ST6GALNAC5: variants seen among roughly 807,000 people sequenced by gnomAD.
The protein encoded by ST6GALNAC5 is alpha-N-acetylgalactosaminide alpha-2,6-sialyltransferase 5.
In ST6GALNAC5, 27 loss-of-function variants were observed where a neutral mutation model predicts 33.6. That is an observed-to-expected ratio of 0.80 (90% CI 0.59 to 1.11). ST6GALNAC5 has a LOEUF of 1.11. Ranked by LOEUF, ST6GALNAC5 falls within the 50% of genes least tolerant of loss-of-function variation. The pLI, the probability that ST6GALNAC5 is intolerant of heterozygous loss-of-function variation, is 0.00. For missense variants in ST6GALNAC5, 428 were observed against 454.0 expected (o/e 0.94, Z 0.52); for synonymous variants, 194 against 171.2 (o/e 1.13, Z -1.04).
At chr1:76,998,029 C>T (rs938680121) in intron 2 of ST6GALNAC5, among the ~76,000 whole-genome samples, 4 of 152,168 alleles carry the variant, frequency 2.6e-5, no homozygotes, top group African/African-American at 9.7e-5. Flanking sequence ...CATCCTCCCT[C>T]CTGCTGCCCT....
In ST6GALNAC5 at chr1:76,969,286, C is replaced by T. The variant is rs11162237; in HGVS notation, c.262-74918C>T. ...CTAACCAAGGGAATCCGTACCTTCG[C>T]CAAAGACTGTACCTGGAAAAACAGG... On this transcript the variant is annotated intron_variant, in intron 2 of 4. Transcript: ENST00000477717. Among the ~76,000 whole-genome samples, 1,181 of 152,290 alleles carry T rather than the reference C, an allele frequency of 7.8e-3. 16 individuals carry two copies. Among genetic ancestry groups the T allele is most frequent in the African/African-American group, 0.023 (968 of 41,574 alleles).
At chr1:77,028,914 T>G (rs748763930) in intron 2 of ST6GALNAC5, among the ~76,000 whole-genome samples, 8 of 152,208 alleles carry the variant, frequency 5.3e-5, no homozygotes, top group Non-Finnish European at 1.0e-4. Context: ...AATGTTGGGT[T>G]GGCTGTCAAA....
intron 2 of ST6GALNAC5, among the ~76,000 whole-genome samples, chr1:76,923,155 A>G (rs556301153): frequency 6.6e-6 from 1 of 152,224 alleles, no homozygotes; most frequent in Admixed American, 6.5e-5. Flanking sequence ...TACTTTTGCA[A>G]GATGTTACAA....
chr1:76,929,224 T>A (rs944488259), intron 2 of ST6GALNAC5, among the ~76,000 whole-genome samples: 1 of 151,928 alleles, frequency 6.6e-6, no homozygotes, highest in Non-Finnish European at 1.5e-5. Context: ...TCCCCTCATA[T>A]TAAAAAAAAG....
chr1:76,920,654 AC>A (rs1445630989), intron 2 of ST6GALNAC5, among the ~76,000 whole-genome samples: 2 of 152,156 alleles, frequency 1.3e-5, no homozygotes, highest in African/African-American at 4.8e-5. Flanking sequence ...CATGCTGTGT[AC>A]CTGCATTACC....
chr1:76,884,451 C>T (rs1489065161), intron 2 of ST6GALNAC5, among the ~76,000 whole-genome samples: 2 of 151,422 alleles, frequency 1.3e-5, no homozygotes, highest in Non-Finnish European at 2.9e-5. Context: ...AAACTCTCCA[C>T]CTGCAGGACA....
rs530575031 is a variant in ST6GALNAC5, at chr1:76,961,567, C to T, written c.262-82637C>T. Among the ~76,000 whole-genome samples, 5 of 152,326 alleles carry T rather than the reference C, an allele frequency of 3.3e-5. No individual in the cohort carries two copies. The East Asian group carries it at 9.7e-4, about 29-fold the overall frequency. ...ATCATCTGCTACTCCAACTCCCTTG[C>T]TGCCTGTGCACCAGCCCCTGGCCTC... On this transcript the variant is annotated intron_variant, in intron 2 of 4. Transcript: ENST00000477717.
chr1:77,023,586 A>G (rs1651129219), intron 2 of ST6GALNAC5, among the ~76,000 whole-genome samples: 1 of 152,204 alleles, frequency 6.6e-6, no homozygotes, highest in African/African-American at 2.4e-5. Context: ...TCAAGAAGGA[A>G]CTGTGTCAGA....
At chr1:77,002,102 T>C (rs1239262552) in intron 2 of ST6GALNAC5, among the ~76,000 whole-genome samples, 1 of 152,156 alleles carries the variant, frequency 6.6e-6, no homozygotes, top group Admixed American at 6.5e-5. Flanking sequence ...AGAATTCGGC[T>C]GTGAATCCAT....
intron 2 of ST6GALNAC5, among the ~76,000 whole-genome samples, chr1:76,980,907 G>A (rs1036295313): frequency 2.0e-5 from 3 of 151,986 alleles, no homozygotes; most frequent in African/African-American, 7.3e-5. Context: ...TCCTTCAAAG[G>A]ATACCATCAA....
chr1:77,038,282 A>G (rs1396080524), intron 2 of ST6GALNAC5, among the ~76,000 whole-genome samples: 1 of 152,166 alleles, frequency 6.6e-6, no homozygotes. Flanking sequence ...TGGAAGAGTA[A>G]CACTTTTCTA....
chr1:77,018,108 C>G (rs1422436258), intron 2 of ST6GALNAC5, among the ~76,000 whole-genome samples: 1 of 152,092 alleles, frequency 6.6e-6, no homozygotes, highest in Admixed American at 6.5e-5. Flanking sequence ...TTCCATTAGG[C>G]AACTTCAGGC....
chr1:76,877,854 C>T (rs1653681527), intron 2 of ST6GALNAC5, among the ~76,000 whole-genome samples: 1 of 152,208 alleles, frequency 6.6e-6, no homozygotes, highest in South Asian at 2.1e-4. Flanking sequence ...GCCTTGCCAG[C>T]TGAAGGCAAA....
chr1:76,887,884 A>G (rs891766484), intron 2 of ST6GALNAC5, among the ~76,000 whole-genome samples: 2 of 151,126 alleles, frequency 1.3e-5, no homozygotes, highest in African/African-American at 4.9e-5. Flanking sequence ...ATTTTTTTTC[A>G]TAGGTTCTCT....
At chr1:77,029,519 A>G (rs915768211) in intron 2 of ST6GALNAC5, among the ~76,000 whole-genome samples, 1 of 152,168 alleles carries the variant, frequency 6.6e-6, no homozygotes, top group Admixed American at 6.5e-5. Context: ...AAGTTTTCCA[A>G]TGACCTCTGC....
At chr1:77,048,935 A>G (rs1469338376) in intron 3 of ST6GALNAC5, among the ~76,000 whole-genome samples, 1 of 132,662 alleles carries the variant, frequency 7.5e-6, no homozygotes, top group Non-Finnish European at 1.6e-5. Context: ...GAAACAGGTA[A>G]GATTCAGCCC....
intron 2 of ST6GALNAC5, among the ~76,000 whole-genome samples, chr1:77,040,847 A>C (rs1651808340): frequency 6.6e-6 from 1 of 152,220 alleles, no homozygotes; most frequent in Non-Finnish European, 1.5e-5. Flanking sequence ...AACCTTATTA[A>C]GCAAATGTGC....
rs902647510 is a variant in ST6GALNAC5, at chr1:76,940,150, C to T, written c.261+71408C>T. 1.2e-4 allele frequency among the ~76,000 whole-genome samples: 18 copies of T among 151,870 alleles called. 1 individual carries two copies. Among genetic ancestry groups the T allele is most frequent in the Middle Eastern group, 3.2e-3 (1 of 316 alleles). On this transcript the variant is annotated intron_variant, in intron 2 of 4. Transcript: ENST00000477717. ...AATTTAATTATGAGTGTTTAATAAA[C>T]GCTATAATTACTGGACACGACTCTA...
chr1:76,984,448 T>C (rs1202090091), intron 2 of ST6GALNAC5, among the ~76,000 whole-genome samples: 1 of 152,022 alleles, frequency 6.6e-6, no homozygotes, highest in Non-Finnish European at 1.5e-5. Flanking sequence ...ACACACACCC[T>C]CCCAAGACTA....
Sources: allele counts gnomAD v4.1 joint callset (sites outside exome capture counted in the v4.1 genomes callset), GRCh38; gene constraint gnomAD v4.1.1; transcripts MANE v1.5; gene names NCBI Gene and HGNC (gene_info 2026-07-23, HGNC 2026-07-21).